JHY: variants seen among roughly 807,000 people sequenced by gnomAD.
JHY encodes junctional cadherin complex regulator.
A neutral mutation model predicts 78.0 loss-of-function variants in JHY; 69 were observed. That is an observed-to-expected ratio of 0.88 (90% CI 0.73 to 1.08). The LOEUF is 1.08. JHY is among the 50% of genes least tolerant of loss of function. The pLI, the probability that JHY is intolerant of heterozygous loss-of-function variation, is 0.00. For missense variants in JHY, 944 were observed against 927.8 expected (o/e 1.02, Z -0.23); for synonymous variants, 368 against 342.6 (o/e 1.07, Z -0.82).
chr11:122,904,252 C>G lies in JHY; in HGVS notation c.672C>G (p.Ser224Arg). The G allele has an allele frequency of 6.2e-7, 1 of 1,614,170 alleles. No homozygotes were observed. Among genetic ancestry groups the G allele is most frequent in the South Asian group, 1.1e-5 (1 of 91,074 alleles). The part of the protein sequence containing the change: ...SDSDLEEKSS[S>R]LSPYVKSSSS... ...GTGACCTGGAGGAGAAGTCGAGCAG[C>G]CTTTCTCCGTACGTGAAGAGCTCAA... The change falls in exon 3 of 9, where the codon AGC (serine) becomes AGG (arginine). Residue 224 changes from serine (S) to arginine (R), a missense_variant. By Grantham distance (110) the Ser-to-Arg change is moderately radical. Coordinates refer to ENST00000227349, the MANE Select transcript of JHY (RefSeq NM_024806.4).
intron 2 of JHY, among the ~76,000 whole-genome samples, chr11:122,887,563 C>T (rs908260865): frequency 6.6e-6 from 1 of 152,016 alleles, no homozygotes; most frequent in South Asian, 2.1e-4. Context: ...TCTTGTGATC[C>T]GCCCACCTTG....
chr11:122,949,377 G>A (rs74735655), intron 6 of JHY, among the ~76,000 whole-genome samples: 1 of 152,138 alleles, frequency 6.6e-6, no homozygotes, highest in Non-Finnish European at 1.5e-5. Context: ...GCTATGGTGT[G>A]CAGGGCAGAT....
chr11:122,934,835 A>C lies in JHY; in HGVS notation c.1394A>C (p.Asn465Thr). The change falls in exon 5 of 9, where the codon AAT becomes ACT. Residue 465 changes from asparagine to threonine, a missense_variant. Transcript: ENST00000227349. Reference protein sequence around the residue: ...KNSTGCDSGLNVNKERGHKDQ... With the variant: ...KNSTGCDSGLTVNKERGHKDQ... ...TCTACTGGATGTGACTCTGGGCTGA[A>C]TGTTAATAAAGAAAGAGGACACAAA... 1 of 1,614,080 alleles carries C rather than the reference A, an allele frequency of 6.2e-7. No individual in the cohort carries two copies. Among genetic ancestry groups the C allele is most frequent in the Non-Finnish European group, 8.5e-7 (1 of 1,180,004 alleles).
In JHY at chr11:122,898,311, CTG is replaced by C. The variant is rs1293845781; in HGVS notation, c.345-5612_345-5611del. The stretch of plus-strand genomic sequence containing the variant: ...CAGACACTGCAACCTACTTTCTTCA[CTG>C]TCACCTATGGGAATAGCTGCAGGGT... On this transcript the variant is annotated intron_variant, in intron 2 of 8. Transcript: ENST00000227349. This position sits in a 1 kb window ranked among gnomAD's most constrained non-coding sequence, Gnocchi z 4.4. 6.6e-6 allele frequency among the ~76,000 whole-genome samples: 1 copy of C among 152,204 alleles called. No homozygotes were observed. The highest frequency in any genetic ancestry group is 1.5e-5 in the Non-Finnish European group (1 of 68,036).
intron 2 of JHY, among the ~76,000 whole-genome samples, chr11:122,892,700 G>A (rs751577067): frequency 1.3e-5 from 2 of 152,216 alleles, no homozygotes; most frequent in African/African-American, 4.8e-5. Flanking sequence ...TTAATAATAC[G>A]AGTCAGGTGA....
At chr11:122,958,968 A>G in intron 8 of JHY, 1 of 985,416 alleles carries the variant, frequency 1.0e-6, no homozygotes, top group Non-Finnish European at 1.2e-6. Flanking sequence ...AAGAAGGAAC[A>G]CTTGAAGGAA....
In JHY at chr11:122,963,145, C is replaced by A. The variant is rs2135391369; in HGVS notation, c.*3700C>A. Among the ~76,000 whole-genome samples the A allele has an allele frequency of 6.6e-6, 1 of 152,048 alleles. No individual in the cohort carries two copies. The highest frequency in any genetic ancestry group is 2.1e-4 in the South Asian group (1 of 4,788). The stretch of plus-strand genomic sequence containing the variant: ...CTTAGAAACTGACCAATAAAAGAGA[C>A]ACTATTTATTTTCTTTTTTTTTTCC... On this transcript the variant is annotated 3_prime_UTR_variant, in exon 9 of 9. Coordinates refer to ENST00000227349, the MANE Select transcript of JHY (RefSeq NM_024806.4).
At chr11:122,945,144 C>T (rs1221777293) in intron 5 of JHY, among the ~76,000 whole-genome samples, 9 of 152,108 alleles carry the variant, frequency 5.9e-5, no homozygotes, top group Admixed American at 3.3e-4. Flanking sequence ...TTCTAGACTT[C>T]GTGCCTTTTT....
At chr11:122,902,818 C>T (rs748052491) in intron 2 of JHY, among the ~76,000 whole-genome samples, 15 of 152,162 alleles carry the variant, frequency 9.9e-5, no homozygotes, top group Non-Finnish European at 2.2e-4. Flanking sequence ...ACTCTGTCCC[C>T]ATGATCCAGT....
rs1226875640 is a variant in JHY at position 122,962,810 on chromosome 11, A to G, written c.*3365A>G. Among the ~76,000 whole-genome samples, 1 of 152,148 alleles carries G rather than the reference A, an allele frequency of 6.6e-6. No individual in the cohort carries two copies. Among genetic ancestry groups the G allele is most frequent in the East Asian group, 1.9e-4 (1 of 5,200 alleles). On this transcript the variant is annotated 3_prime_UTR_variant, in exon 9 of 9. Transcript: ENST00000227349. ...AGAAGATGAAATGGAGGTGAAGAGA[A>G]AGGTTACATGACTCGGAAGTCCATC...
At position 122,931,046 on chromosome 11, in the gene JHY, A is replaced by G. The variant is rs531787818; in HGVS notation, c.979-3374A>G. ...GGGGGGAATGAGCTTCCTTGAGCCT[A>G]TTTTATAGGGACATCAATCCCAAGA... On this transcript the variant is annotated intron_variant, in intron 4 of 8. Transcript: ENST00000227349. 2.6e-5 allele frequency among the ~76,000 whole-genome samples: 4 copies of G among 152,192 alleles called. No individual in the cohort carries two copies. The East Asian group carries it at 7.7e-4, about 29-fold the overall frequency.
chr11:122,918,847 C>T lies in JHY; in HGVS notation c.865-6050C>T, dbSNP rs765102026. 1.1e-4 allele frequency among the ~76,000 whole-genome samples: 16 copies of T among 146,830 alleles called. No homozygotes were observed. In the East Asian group the frequency reaches 1.2e-3, roughly 11 times the overall value. On this transcript the variant is annotated intron_variant, in intron 3 of 8. Transcript: ENST00000227349. ...CAGCAAGACAGCCCTGCACATGGTC[C>T]GTCCTTTTTCCTGCCTTCCTGGAAT...
In JHY at chr11:122,960,005, A is replaced by G. The variant is rs1339271020; in HGVS notation, c.*560A>G. ...TCCCAGCACTTTGGGAAGCTGAGGC[A>G]GTTGAATAGCTTGAGGCCAGGAGTT... On this transcript the variant is annotated 3_prime_UTR_variant, in exon 9 of 9. Coordinates refer to ENST00000227349, the MANE Select transcript of JHY (RefSeq NM_024806.4). Among the ~76,000 whole-genome samples, 1 of 152,182 alleles carries G rather than the reference A, an allele frequency of 6.6e-6. No individual in the cohort carries two copies. Among genetic ancestry groups the G allele is most frequent in the Admixed American group, 6.5e-5 (1 of 15,276 alleles).
At position 122,956,482 on chromosome 11, in the gene JHY, G is replaced by A; in HGVS notation, c.1930-14G>A. The A allele has an allele frequency of 1.2e-6, 2 of 1,612,104 alleles. No individual in the cohort carries two copies. The highest frequency in any genetic ancestry group is 1.7e-6 in the Non-Finnish European group (2 of 1,178,696). On this transcript the variant is annotated splice_polypyrimidine_tract_variant and intron_variant, in intron 6 of 8. Coordinates refer to ENST00000227349, the MANE Select transcript of JHY (RefSeq NM_024806.4). Reference sequence around the variant, plus strand: ...AGTCCTTAAAAGAAACTGTTTCTGTGGTTGTATTTTTAGAACACCAAGCTG... The same window carrying A: ...AGTCCTTAAAAGAAACTGTTTCTGTAGTTGTATTTTTAGAACACCAAGCTG...
chr11:122,957,439 C>T lies in JHY; in HGVS notation c.2087C>T (p.Ser696Leu), dbSNP rs1864215843. 5.9e-6 allele frequency: 9 copies of T among 1,528,672 alleles called. No individual in the cohort carries two copies. Among genetic ancestry groups the T allele is most frequent in the South Asian group, 2.6e-5 (2 of 76,314 alleles). The allele number at this position is 1,528,672 out of a possible 1,614,324, so 94.7% of individuals were successfully genotyped here. ...EYNMKTLSILSKPQTEKTQKK... is the reference protein window; with the variant it reads ...EYNMKTLSILLKPQTEKTQKK... ...AACATGAAGACACTATCCATTCTAT[C>T]AAAACCACAAACAGAAAAAACTCAA... The change falls in exon 8 of 9, where the codon TCA becomes TTA. Residue 696 changes from serine (S) to leucine (L), a missense_variant. Physicochemically the swap from Ser to Leu is moderately radical, Grantham distance 145. Transcript: ENST00000227349.
chr11:122,959,508 C>T lies in JHY; in HGVS notation c.*63C>T. ...GAATGAACGTGGAGAAAAGAAACGC[C>T]AACCACCTTCTCTGCGTTGAGAGTA... On this transcript the variant is annotated 3_prime_UTR_variant, in exon 9 of 9. Transcript: ENST00000227349. The T allele has an allele frequency of 2.8e-6, 4 of 1,432,566 alleles. No homozygotes were observed. Among genetic ancestry groups the T allele is most frequent in the Non-Finnish European group, 3.9e-6 (4 of 1,028,570 alleles). 88.7% of individuals were successfully genotyped at this position (1,432,566 alleles called of 1,614,324 possible). A position where few individuals can be genotyped will look rare whatever the true frequency, so the allele number is the denominator to read the frequency against.
chr11:122,905,173 T>C, intron 3 of JHY: 2 of 1,612,354 alleles, frequency 1.2e-6, no homozygotes, highest in Non-Finnish European at 1.7e-6. Context: ...CCTCATCAGG[T>C]CATTTTGAGA....
In JHY at chr11:122,888,538, GT is replaced by G. The variant is rs58273141; in HGVS notation, c.344+2356del. ...ATGTCCTTGTTGTGTTACTGATGCT[GT>G]TTTTTTTTTTAATCATGCAAAAATT... On this transcript the variant is annotated intron_variant, in intron 2 of 8. Transcript: ENST00000227349. 8.1e-3 allele frequency among the ~76,000 whole-genome samples: 1,180 copies of G among 145,776 alleles called. 17 individuals are homozygous for G. Among genetic ancestry groups the G allele is most frequent in the African/African-American group, 0.027 (1,098 of 40,022 alleles).
chr11:122,940,241 G>T (rs1863844998), intron 5 of JHY, among the ~76,000 whole-genome samples: 1 of 152,056 alleles, frequency 6.6e-6, no homozygotes, highest in Admixed American at 6.5e-5. Context: ...GGGAGGCTGA[G>T]GCAGGAGAAT....
Sources: allele counts gnomAD v4.1 joint callset (sites outside exome capture counted in the v4.1 genomes callset), GRCh38; gene constraint gnomAD v4.1.1; non-coding constraint Gnocchi (gnomAD v3.1); transcripts MANE v1.5; gene names NCBI Gene and HGNC (gene_info 2026-07-23, HGNC 2026-07-21).